The following NR1H4 variants were observed in gnomAD, a reference collection of about 807,000 sequenced individuals.
NR1H4 encodes the protein bile acid receptor.
Under a neutral mutation model 58.5 loss-of-function variants are expected in NR1H4, and 23 were observed. The observed-to-expected ratio is 0.39, with a 90% CI of 0.28 to 0.56. The LOEUF is 0.56. Among genes scored for constraint, NR1H4 ranks in the 20% least tolerant of loss-of-function variants. NR1H4 has a pLI of 0.58. For synonymous variants in NR1H4, 214 were observed against 198.0 expected (o/e 1.08, Z -0.68); for missense variants, 487 against 576.9 (o/e 0.84, Z 1.60).
chr12:100,543,461 G>A (rs1954984344), intron 9 of NR1H4, among the ~76,000 whole-genome samples: 1 of 152,058 alleles, frequency 6.6e-6, no homozygotes, highest in Admixed American at 6.6e-5. Flanking sequence ...AGGAGAAATG[G>A]AGAGAAGAGA....
At chr12:100,536,413 T>TA (rs1954814095) in intron 6 of NR1H4, 99 bp from the exon 7 acceptor site, 1 of 716,838 alleles carries the variant, frequency 1.4e-6, no homozygotes, top group Non-Finnish European at 2.5e-6. Flanking sequence ...TTTTTTTTTT[T>TA]ATGATTTCTG....
intron 4 of NR1H4, among the ~76,000 whole-genome samples, chr12:100,529,426 T>C (rs1046811117): frequency 6.6e-6 from 1 of 152,136 alleles, no homozygotes; most frequent in Non-Finnish European, 1.5e-5. Flanking sequence ...GGTCATACTG[T>C]CCCCTGTCAA....
intron 3 of NR1H4, among the ~76,000 whole-genome samples, chr12:100,497,559 C>T (rs370038384): frequency 8.4e-4 from 128 of 152,228 alleles, no homozygotes; most frequent in African/African-American, 1.5e-3. Flanking sequence ...CAAATCCAGA[C>T]GGAAATCTAG....
In NR1H4 at chr12:100,563,523, T is replaced by C. The variant is rs1167269246; in HGVS notation, c.*34T>C. 1 of 1,480,670 alleles carries C rather than the reference T, an allele frequency of 6.8e-7. No homozygotes were observed. Among genetic ancestry groups the C allele is most frequent in the East Asian group, 2.3e-5 (1 of 44,302 alleles). 91.7% of individuals were successfully genotyped at this position (1,480,670 alleles called of 1,614,324 possible). On this transcript the variant is annotated 3_prime_UTR_variant, in exon 11 of 11. Coordinates refer to ENST00000392986, the MANE Select transcript of NR1H4 (RefSeq NM_001206979.2). ...ACAGGGGAGGGGTCTAGCTCCTTTT[T>C]CTCTCTCATATTAATCTGATGTATA...
At chr12:100,510,266 A>C (rs1440121604) in intron 3 of NR1H4, among the ~76,000 whole-genome samples, 1 of 152,222 alleles carries the variant, frequency 6.6e-6, no homozygotes, top group African/African-American at 2.4e-5. Context: ...AGGACATTGA[A>C]GTTTAAAAAA....
At position 100,560,937 on chromosome 12, in the gene NR1H4, G is replaced by T. The variant is rs377030518; in HGVS notation, c.1079-948G>T. 9.7e-4 allele frequency among the ~76,000 whole-genome samples: 148 copies of T among 152,270 alleles called. 2 individuals are homozygous for T. The South Asian group carries it at 0.028, about 28-fold the overall frequency. ...TTGAGTGGTGTGGATACCACTCACC[G>T]AGAATGGGAACGCCAGGAAAGAAGT... On this transcript the variant is annotated intron_variant, in intron 9 of 10. Coordinates refer to ENST00000392986, the MANE Select transcript of NR1H4 (RefSeq NM_001206979.2).
At position 100,504,807 on chromosome 12, in the gene NR1H4, A is replaced by G. The variant is rs371327215; in HGVS notation, c.80-5971A>G. ...TGCTCAGAGGGCACTCTTAGGTAGTATCTCATACCATCTCAAGTTCAGCGT... is the reference window on the plus strand; with the variant it reads ...TGCTCAGAGGGCACTCTTAGGTAGTGTCTCATACCATCTCAAGTTCAGCGT... On this transcript the variant is annotated intron_variant, in intron 3 of 10. Coordinates refer to ENST00000392986, the MANE Select transcript of NR1H4 (RefSeq NM_001206979.2). Among the ~76,000 whole-genome samples, 9 of 152,366 alleles carry G rather than the reference A, an allele frequency of 5.9e-5. No homozygotes were observed. The South Asian group carries it at 1.0e-3, about 18-fold the overall frequency.
chr12:100,557,734 C>T (rs1955364058), intron 9 of NR1H4, among the ~76,000 whole-genome samples: 1 of 152,200 alleles, frequency 6.6e-6, no homozygotes, highest in Admixed American at 6.5e-5. Context: ...ACTCTTCTAA[C>T]AGTGAGAATT....
intron 1 of NR1H4, among the ~76,000 whole-genome samples, chr12:100,487,886 A>G (rs1953528329): frequency 6.6e-6 from 1 of 151,934 alleles, no homozygotes; most frequent in South Asian, 2.1e-4. Context: ...TGTTGGGATT[A>G]CAGGTGTGAA....
chr12:100,561,896 G>T lies in NR1H4; in HGVS notation c.1090G>T (p.Glu364Ter). 7.4e-7 allele frequency: 1 copy of T among 1,354,762 alleles called. No homozygotes were observed. The highest frequency in any genetic ancestry group is 1.1e-6 in the Non-Finnish European group (1 of 944,086). The allele number at this position is 1,354,762 out of a possible 1,614,324, so 83.9% of individuals were successfully genotyped here. A position where few individuals can be genotyped will look rare whatever the true frequency, so the allele number is the denominator to read the frequency against. Residue 364 changes from glutamate to a stop codon, truncating the protein, a stop_gained, in exon 10 of 11, where the codon GAA (glutamate) becomes TAA (stop). Transcript: ENST00000392986. LOFTEE classifies it high-confidence loss of function. Reference protein sequence around the residue: ...ERIRNSGISDEYITPMFSFYK... With the variant: ...ERIRNSGISD ...ACTTTCCCCCACAGGTATCTCTGATGAATATATAACACCTATGTTTAGTTT... is the reference window on the plus strand; with the variant it reads ...ACTTTCCCCCACAGGTATCTCTGATTAATATATAACACCTATGTTTAGTTT...
intron 9 of NR1H4, among the ~76,000 whole-genome samples, chr12:100,553,264 C>G (rs552077599): frequency 1.3e-5 from 2 of 152,140 alleles, no homozygotes; most frequent in Admixed American, 6.5e-5. Context: ...TCCCAAAGTG[C>G]TGGGATTACA....
At position 100,532,477 on chromosome 12, in the gene NR1H4, T is replaced by C. The variant is rs191939757; in HGVS notation, c.465T>C (p.Ile155=). The C allele has an allele frequency of 1.2e-6, 2 of 1,614,120 alleles. No individual in the cohort carries two copies. The highest frequency in any genetic ancestry group is 1.7e-6 in the Non-Finnish European group (2 of 1,179,998). The part of the protein sequence containing the change: ...EGCKGFFRRS[I]TKNAVYKCKN... ...CCACAGGTTTCTTCAGGAGAAGCATTACCAAAAACGCTGTGTACAAGTGTA... is the reference window on the plus strand; with the variant it reads ...CCACAGGTTTCTTCAGGAGAAGCATCACCAAAAACGCTGTGTACAAGTGTA... The change falls in exon 5 of 11, where the codon ATT becomes ATC. Residue 155 remains isoleucine (I), a synonymous_variant. Coordinates refer to ENST00000392986, the MANE Select transcript of NR1H4 (RefSeq NM_001206979.2).
rs577403264 is a variant in NR1H4 at position 100,483,091 on chromosome 12, A to G, written c.-190+9032A>G. Among the ~76,000 whole-genome samples the G allele has an allele frequency of 3.9e-4, 60 of 152,050 alleles. 1 individual carries two copies. The South Asian group carries it at 0.012, about 32-fold the overall frequency. Reference sequence around the variant, plus strand: ...CAGGCGTGTGCCACCGTGCCCAGCTAATTTTTGTATTTTTAGTAGAGATGG... The same window carrying G: ...CAGGCGTGTGCCACCGTGCCCAGCTGATTTTTGTATTTTTAGTAGAGATGG... On this transcript the variant is annotated intron_variant, in intron 1 of 10. Coordinates refer to ENST00000392986, the MANE Select transcript of NR1H4 (RefSeq NM_001206979.2).
intron 3 of NR1H4, among the ~76,000 whole-genome samples, chr12:100,506,776 G>A (rs1032214164): frequency 6.6e-6 from 1 of 152,202 alleles, no homozygotes; most frequent in East Asian, 1.9e-4. Flanking sequence ...CCAAAGTGCT[G>A]GGATTACAGG....
At chr12:100,479,290 A>G (rs1953331628) in intron 1 of NR1H4, among the ~76,000 whole-genome samples, 1 of 152,184 alleles carries the variant, frequency 6.6e-6, no homozygotes, top group Non-Finnish European at 1.5e-5. Flanking sequence ...CCCCAAATCC[A>G]TAAAGATCAT....
intron 9 of NR1H4, among the ~76,000 whole-genome samples, chr12:100,548,967 A>G (rs958055433): frequency 6.6e-6 from 1 of 152,156 alleles, no homozygotes; most frequent in South Asian, 2.1e-4. Flanking sequence ...ATCCATACAG[A>G]TGGATGTCAT....
rs758465149 is a variant in NR1H4 at position 100,533,890 on chromosome 12, C to CTTTTTTTTTT, written c.599-995_599-986dup. Among the ~76,000 whole-genome samples, 328 of 143,318 alleles carry CTTTTTTTTTT rather than the reference C, an allele frequency of 2.3e-3. 1 individual carries two copies. Among genetic ancestry groups the CTTTTTTTTTT allele is most frequent in the East Asian group, 7.2e-3 (36 of 4,992 alleles). The allele number at this position is 143,318 out of a possible 152,430, so 94.0% of individuals were successfully genotyped here. On this transcript the variant is annotated intron_variant, in intron 5 of 10. Coordinates refer to ENST00000392986, the MANE Select transcript of NR1H4 (RefSeq NM_001206979.2). ...GTTTTACATTATTTTTAATAGCTCT[C>CTTTTTTTTTT]TTTTTTTTTTTTTTGTTGAGACGGA... is the stretch of plus-strand genomic sequence containing the variant.
intron 3 of NR1H4, among the ~76,000 whole-genome samples, chr12:100,500,916 G>A (rs1953819052): frequency 6.6e-6 from 1 of 152,082 alleles, no homozygotes; most frequent in Admixed American, 6.6e-5. Context: ...TGTGAAAAGA[G>A]ACTAATAAAT....
intron 4 of NR1H4, among the ~76,000 whole-genome samples, chr12:100,517,985 A>C (rs1954309829): frequency 6.6e-6 from 1 of 152,252 alleles, no homozygotes; most frequent in African/African-American, 2.4e-5. Flanking sequence ...GCTCAAGGGT[A>C]ATATTGACTA....
Sources: gnomAD v4.1 joint callset for allele counts (sites outside exome capture counted in the v4.1 genomes callset) on GRCh38, gnomAD v4.1.1 for gene constraint, MANE v1.5 for transcripts, NCBI Gene and HGNC (gene_info 2026-07-23, HGNC 2026-07-21) for gene names.